Variants in NBEA observed in about 807,000 individuals in gnomAD.
NBEA encodes lysosomal-trafficking regulator 2.
NBEA carries 44 observed loss-of-function variants against 343.4 expected under a neutral mutation model. That is an observed-to-expected ratio of 0.13 (90% CI 0.10 to 0.16). The LOEUF (loss-of-function observed/expected upper bound fraction) is 0.16. Among genes scored for constraint, NBEA ranks in the 10% least tolerant of loss-of-function variants. The pLI is 1.00. For missense variants in NBEA, 2,555 were observed against 3,631.3 expected (o/e 0.70, Z 7.62); for synonymous variants, 1,175 against 1,238.7 (o/e 0.95, Z 1.08).
At chr13:35,070,682 A>T in intron 9 of NBEA, 37 bp from the exon 10 acceptor site, 1 of 1,523,826 alleles carries the variant, frequency 6.6e-7, no homozygotes, top group South Asian at 1.2e-5. Flanking sequence ...AAATCATTCT[A>T]TAGAAGTTTA....
At chr13:35,158,624 G>A (rs1173320322) in intron 21 of NBEA, among the ~76,000 whole-genome samples, 1 of 152,044 alleles carries the variant, frequency 6.6e-6, no homozygotes. Context: ...AATAGATGGT[G>A]AAAACCAACA....
intron 41 of NBEA, among the ~76,000 whole-genome samples, chr13:35,504,180 G>A (rs2076987781): frequency 6.6e-6 from 1 of 152,110 alleles, no homozygotes; most frequent in African/African-American, 2.4e-5. Flanking sequence ...ACCAGAATGT[G>A]GAGTATCCCT....
intron 53 of NBEA, among the ~76,000 whole-genome samples, chr13:35,652,308 A>G (rs1402169283): frequency 1.3e-5 from 2 of 149,952 alleles, no homozygotes; most frequent in African/African-American, 4.9e-5. Flanking sequence ...ACAAACCTGC[A>G]CATTGTGCAC....
At chr13:35,219,836 T>A (rs1461039328) in intron 33 of NBEA, among the ~76,000 whole-genome samples, 1 of 152,150 alleles carries the variant, frequency 6.6e-6, no homozygotes, top group African/African-American at 2.4e-5. Flanking sequence ...GCTCAACTTT[T>A]TTGTTCTATT....
chr13:35,620,798 A>T (rs927147670), intron 48 of NBEA, among the ~76,000 whole-genome samples: 1 of 152,076 alleles, frequency 6.6e-6, no homozygotes. Context: ...GTATTTTAAA[A>T]TTTGAGCCTA....
chr13:34,961,089 G>T (rs1016373611), intron 1 of NBEA, among the ~76,000 whole-genome samples: 1 of 152,008 alleles, frequency 6.6e-6, no homozygotes, highest in African/African-American at 2.4e-5. Flanking sequence ...AAGAATGGTT[G>T]TAGTTTTGGA....
At chr13:35,252,583 C>T (rs138273159) in intron 34 of NBEA, among the ~76,000 whole-genome samples, 55 of 152,212 alleles carry the variant, frequency 3.6e-4, no homozygotes, top group African/African-American at 1.2e-3. Flanking sequence ...TAATGTGTAG[C>T]CTCTATCCTG....
chr13:35,349,448 C>T (rs989069158), intron 37 of NBEA, among the ~76,000 whole-genome samples: 2 of 151,982 alleles, frequency 1.3e-5, no homozygotes, highest in Non-Finnish European at 2.9e-5. Flanking sequence ...ATTTGGTAGA[C>T]TGAAGTTATT....
intron 1 of NBEA, among the ~76,000 whole-genome samples, chr13:34,997,937 T>C (rs2060993961): frequency 6.6e-6 from 1 of 152,172 alleles, no homozygotes; most frequent in Non-Finnish European, 1.5e-5. Context: ...TAGTACCTTT[T>C]TCAGAGTGCC....
At chr13:35,475,251 C>T (rs1193309437) in intron 41 of NBEA, 1 of 1,613,986 alleles carries the variant, frequency 6.2e-7, no homozygotes, top group East Asian at 2.2e-5. Flanking sequence ...GCCGATCACC[C>T]AGGCAAGACT....
chr13:35,282,577 G>A (rs1161565375), intron 34 of NBEA, among the ~76,000 whole-genome samples: 1 of 152,054 alleles, frequency 6.6e-6, no homozygotes, highest in African/African-American at 2.4e-5. Context: ...AGATCCAAAT[G>A]ATTTATGATA....
At chr13:35,510,875 A>T (rs2077249102) in intron 41 of NBEA, among the ~76,000 whole-genome samples, 1 of 152,208 alleles carries the variant, frequency 6.6e-6, no homozygotes, top group Non-Finnish European at 1.5e-5. Flanking sequence ...TAAAGCTGAG[A>T]TCTTATTAAT....
intron 45 of NBEA, among the ~76,000 whole-genome samples, chr13:35,583,610 G>A (rs1207474869): frequency 5.3e-5 from 8 of 152,106 alleles, no homozygotes; most frequent in Non-Finnish European, 1.5e-5. Context: ...AACTGTTGGT[G>A]TGGCCTTAAC....
intron 8 of NBEA, among the ~76,000 whole-genome samples, chr13:35,061,911 A>G (rs2063481182): frequency 6.6e-6 from 1 of 151,698 alleles, no homozygotes; most frequent in African/African-American, 2.4e-5. Context: ...ATGGACTGAT[A>G]TCCTTATTTT....
chr13:35,299,467 C>T (rs933732599), intron 35 of NBEA, among the ~76,000 whole-genome samples: 2 of 152,070 alleles, frequency 1.3e-5, no homozygotes, highest in African/African-American at 2.4e-5. Context: ...GGGATTTTAT[C>T]GTCATCCTTC....
intron 33 of NBEA, among the ~76,000 whole-genome samples, chr13:35,215,400 T>C (rs977005787): frequency 3.3e-5 from 5 of 151,724 alleles, no homozygotes; most frequent in African/African-American, 1.2e-4. Flanking sequence ...TGTTTGATGA[T>C]ATTATATTAG....
chr13:35,472,117 G>A (rs1275796361), intron 40 of NBEA, among the ~76,000 whole-genome samples: 2 of 152,090 alleles, frequency 1.3e-5, no homozygotes, highest in African/African-American at 4.8e-5. Flanking sequence ...TAAGTTAATG[G>A]CAGCCCCTTA....
At chr13:35,005,375 T>C (rs568309469) in intron 1 of NBEA, among the ~76,000 whole-genome samples, 28 of 152,276 alleles carry the variant, frequency 1.8e-4, no homozygotes, top group Admixed American at 7.8e-4. Context: ...CATCCACCTG[T>C]CTTGCTTCTG....
At chr13:35,502,587 T>C (rs2076928453) in intron 41 of NBEA, among the ~76,000 whole-genome samples, 1 of 151,994 alleles carries the variant, frequency 6.6e-6, no homozygotes, top group Non-Finnish European at 1.5e-5. Flanking sequence ...CTTCCACTAG[T>C]GAATGAACAG....
Sources: allele counts gnomAD v4.1 joint callset (sites outside exome capture counted in the v4.1 genomes callset), GRCh38; gene constraint gnomAD v4.1.1; transcripts MANE v1.5; gene names NCBI Gene and HGNC (gene_info 2026-07-23, HGNC 2026-07-21).